The following NSD2 variants were observed in gnomAD, a reference collection of about 807,000 sequenced individuals.
NSD2 encodes the protein nuclear receptor binding SET domain protein 2.
Under a neutral mutation model 139.0 loss-of-function variants are expected in NSD2, and 12 were observed. The ratio of observed to expected loss-of-function variants is 0.09; its 90% CI spans 0.06 to 0.14. The LOEUF (loss-of-function observed/expected upper bound fraction) is 0.14, where lower values mean the gene tolerates loss of function less well. Ranked by LOEUF, NSD2 falls within the 10% of genes least tolerant of loss-of-function variation. The probability of loss-of-function intolerance (pLI) is 1.00; values close to 1 mark genes in which losing one functional copy is unlikely to be tolerated. For missense variants in NSD2, 1,155 were observed against 1,745.0 expected, an observed-to-expected ratio of 0.66 and a Z score of 6.02; for synonymous variants, 669 against 648.7, an observed-to-expected ratio of 1.03 and a Z score of -0.48.
At chr4:1,922,771 T>C (rs770497665) in intron 5 of NSD2, among the ~76,000 whole-genome samples, 2 of 151,948 alleles carry the variant, frequency 1.3e-5, no homozygotes, top group East Asian at 1.9e-4. Flanking sequence ...ACTAAAAATA[T>C]AGAAATTAGT....
intron 1 of NSD2, among the ~76,000 whole-genome samples, chr4:1,887,103 C>A (rs1047881283): frequency 6.6e-6 from 1 of 152,150 alleles, no homozygotes; most frequent in Non-Finnish European, 1.5e-5. Context: ...TTAGCTTGTT[C>A]CTCCTGCTCC....
chr4:1,981,697 T>C lies in NSD2; in HGVS notation c.*2788T>C. On this transcript the variant is annotated 3_prime_UTR_variant, in exon 22 of 22. Coordinates refer to ENST00000508803, the MANE Select transcript of NSD2 (RefSeq NM_001042424.3). ...CTGGCTGGGTCCCCTTCGCAGTGTT[T>C]GTCTGTCTTGACATCTAAACCCCGG... is the stretch of plus-strand genomic sequence containing the variant. 1 of 395,486 alleles carries C rather than the reference T, an allele frequency of 2.5e-6. No homozygotes were observed. The highest frequency in any genetic ancestry group is 4.5e-6 in the Non-Finnish European group (1 of 224,538). 24.5% of individuals were successfully genotyped at this position (395,486 alleles called of 1,614,324 possible).
In NSD2 at chr4:1,942,544, G is replaced by A; in HGVS notation, c.1881+2766G>A. On this transcript the variant is annotated intron_variant, in intron 9 of 21. Transcript: ENST00000508803. The surrounding 1 kb of genome is among the most constrained non-coding windows in gnomAD (Gnocchi z 4.0). ...ATAAACACATACAATGAAGAAAACA[G>A]ATAACAAATTTTAAGACCAAGGTAA... The A allele has an allele frequency of 2.1e-6, 3 of 1,400,678 alleles. No homozygotes were observed. Among genetic ancestry groups the A allele is most frequent in the South Asian group, 1.8e-5 (1 of 57,102 alleles). The allele number at this position is 1,400,678 out of a possible 1,614,324, so 86.8% of individuals were successfully genotyped here. A position where few individuals can be genotyped will look rare whatever the true frequency, so the allele number is the denominator to read the frequency against.
chr4:1,972,620 C>T lies in NSD2; in HGVS notation c.3373-2243C>T, dbSNP rs1726611857. 6.6e-6 allele frequency among the ~76,000 whole-genome samples: 1 copy of T among 152,174 alleles called. No homozygotes were observed. Among genetic ancestry groups the T allele is most frequent in the Non-Finnish European group, 1.5e-5 (1 of 68,038 alleles). ...CCACGTACCACGCACTGATGCCTCC[C>T]CTCACACCACTTATAAAGGCCAATT... On this transcript the variant is annotated intron_variant, in intron 18 of 21. Coordinates refer to ENST00000508803, the MANE Select transcript of NSD2 (RefSeq NM_001042424.3). The surrounding 1 kb of genome is among the most constrained non-coding windows in gnomAD (Gnocchi z 4.0).
At position 1,939,657 on chromosome 4, in the gene NSD2, C is replaced by G. The variant is rs763851539; in HGVS notation, c.1760C>G (p.Thr587Arg). ...ACAAACCAAAATTATTTTACAGCAA[C>G]GAAAAATCTGTCTGATGCATGTAAA... The part of the protein sequence containing the change: ...AASSLKSQAA[T>R]KNLSDACKPL... The change falls in exon 9 of 22, where the codon ACG becomes AGG. Residue 587 changes from threonine (T) to arginine (R), a missense_variant. This residue lies in a region of NSD2 where 420 missense variants were observed against 469.0 expected (regional missense o/e 0.90). Transcript: ENST00000508803. The G allele has an allele frequency of 6.2e-7, 1 of 1,613,976 alleles. No homozygotes were observed. The highest frequency in any genetic ancestry group is 1.1e-5 in the South Asian group (1 of 91,076).
chr4:1,959,887 G>GTC, intron 17 of NSD2, 147 bp downstream of exon 17: 1 of 952,458 alleles, frequency 1.0e-6, no homozygotes, highest in Non-Finnish European at 1.5e-6. Flanking sequence ...TTGAGACAGG[G>GTC]TCTCACTCTG....
intron 1 of NSD2, among the ~76,000 whole-genome samples, chr4:1,872,629 A>AGAGAGAGAGAGG (rs1553856461): frequency 7.0e-6 from 1 of 142,598 alleles, no homozygotes; most frequent in Non-Finnish European, 1.5e-5. Context: ...AGAGAGAGAG[A>AGAGAGAGAGAGG]GAGAGAGCGC....
chr4:1,895,517 C>T (rs1716150726), intron 1 of NSD2, among the ~76,000 whole-genome samples: 1 of 152,180 alleles, frequency 6.6e-6, no homozygotes, highest in Admixed American at 6.5e-5. Context: ...ATATTCAACT[C>T]AACTGAGTTT....
chr4:1,888,410 CAAAAAAAAAAA>C (rs61397233), intron 1 of NSD2, among the ~76,000 whole-genome samples: 8 of 53,200 alleles, frequency 1.5e-4, no homozygotes, highest in African/African-American at 3.0e-4. Flanking sequence ...GAGATTGCCT[CAAAAAAAAAAA>C]AAAAAAAAAA....
At chr4:1,953,987 A>ATTTTTT (rs750322460) in intron 12 of NSD2, among the ~76,000 whole-genome samples, 31 of 133,264 alleles carry the variant, frequency 2.3e-4, no homozygotes, top group African/African-American at 8.7e-4. Context: ...ATTTTTGTAA[A>ATTTTTT]TTTTTTTTTT....
intron 1 of NSD2, among the ~76,000 whole-genome samples, chr4:1,893,543 G>GTTTTTTTTT (rs774429583): frequency 5.8e-5 from 7 of 121,418 alleles, no homozygotes; most frequent in African/African-American, 8.8e-5. Context: ...TTTGTTTTTT[G>GTTTTTTTTT]TTTTTTTTTT....
intron 9 of NSD2, among the ~76,000 whole-genome samples, chr4:1,949,578 T>G (rs974327778): frequency 6.6e-6 from 1 of 152,092 alleles, no homozygotes; most frequent in Non-Finnish European, 1.5e-5. Flanking sequence ...CTGGCCAACA[T>G]GGTGAAACCC....
At chr4:1,911,587 C>CAAAAAAAAAAAAA (rs372660600) in intron 3 of NSD2, among the ~76,000 whole-genome samples, 188 of 41,440 alleles carry the variant, frequency 4.5e-3, no homozygotes, top group Non-Finnish European at 6.2e-3. Context: ...GACGCCATCT[C>CAAAAAAAAAAAAA]AAAAAAAAAA....
In NSD2 at chr4:1,932,239, C is replaced by A. The variant is rs369960570; in HGVS notation, c.1555+1469C>A. ...ATCACTTGAGGCCAGGAATTCAAGA[C>A]CAGCCTGGCCAACATGGTGAAACCC... On this transcript the variant is annotated intron_variant, in intron 6 of 21. Transcript: ENST00000508803. Among the ~76,000 whole-genome samples, 8 of 151,990 alleles carry A rather than the reference C, an allele frequency of 5.3e-5. No individual in the cohort carries two copies. The South Asian group carries it at 1.2e-3, about 24-fold the overall frequency.
At chr4:1,880,577 G>T (rs1375973363) in intron 1 of NSD2, among the ~76,000 whole-genome samples, 1 of 149,912 alleles carries the variant, frequency 6.7e-6, no homozygotes, top group East Asian at 2.0e-4. Context: ...GTGAGCAAAG[G>T]TCATATCTTT....
intron 1 of NSD2, among the ~76,000 whole-genome samples, chr4:1,872,561 ATT>A (rs1364119398): frequency 9.0e-6 from 1 of 110,512 alleles, no homozygotes; most frequent in Non-Finnish European, 1.8e-5. Flanking sequence ...GATAACGTGT[ATT>A]TTGTGTGTGT....
chr4:1,923,511 G>A (rs1720443570), intron 5 of NSD2, among the ~76,000 whole-genome samples: 1 of 152,132 alleles, frequency 6.6e-6, no homozygotes, highest in South Asian at 2.1e-4. Flanking sequence ...TGGTGGGATG[G>A]TCCTTCACAG....
intron 9 of NSD2, chr4:1,940,715 T>G: frequency 1.9e-6 from 2 of 1,060,988 alleles, no homozygotes; most frequent in African/African-American, 3.3e-5. Context: ...ACAGGCCCCT[T>G]ACTCTTGCTG....
chr4:1,945,328 A>G (rs1723510061), intron 9 of NSD2: 1 of 1,065,710 alleles, frequency 9.4e-7, no homozygotes, highest in African/African-American at 1.6e-5. Context: ...TGTGAGAGCC[A>G]TGCTGTCAGG....
Sources: gnomAD v4.1 joint callset for allele counts (sites outside exome capture counted in the v4.1 genomes callset) on GRCh38, gnomAD v4.1.1 for gene constraint, gnomAD v4.1.1 regional missense constraint, Gnocchi (gnomAD v3.1) non-coding constraint, MANE v1.5 for transcripts, NCBI Gene and HGNC (gene_info 2026-07-23, HGNC 2026-07-21) for gene names.